The following ADAMTS15 variants were observed in gnomAD, a reference collection of about 807,000 sequenced individuals.
ADAMTS15 encodes the protein A disintegrin and metalloproteinase with thrombospondin motifs 15.
ADAMTS15 carries 35 observed loss-of-function variants against 79.1 expected under a neutral mutation model. The ratio of observed to expected loss-of-function variants is 0.44; its 90% CI spans 0.34 to 0.59. The LOEUF (loss-of-function observed/expected upper bound fraction) is 0.59. Among genes scored for constraint, ADAMTS15 ranks in the 20% least tolerant of loss-of-function variants. The probability of loss-of-function intolerance (pLI) is 0.02; values close to 1 mark genes in which losing one functional copy is unlikely to be tolerated. For missense variants in ADAMTS15, 1,324 were observed against 1,318.7 expected (o/e 1.00, Z -0.06); for synonymous variants, 616 against 567.3 (o/e 1.09, Z -1.22).
chr11:130,460,838 ATCTC>A (rs908129095), intron 1 of ADAMTS15, among the ~76,000 whole-genome samples: 5 of 152,046 alleles, frequency 3.3e-5, no homozygotes, highest in African/African-American at 1.2e-4. Context: ...TTAGGTGGCC[ATCTC>A]TCTATTTCAT....
At position 130,462,287 on chromosome 11, in the gene ADAMTS15, G is replaced by A. The variant is rs112617763; in HGVS notation, c.1258+33G>A. On this transcript the variant is annotated intron_variant, in intron 3 of 7. Coordinates refer to ENST00000299164, the MANE Select transcript of ADAMTS15 (RefSeq NM_139055.4). This position sits in a 1 kb window ranked among gnomAD's most constrained non-coding sequence, Gnocchi z 4.3. The stretch of plus-strand genomic sequence containing the variant: ...AGGACGGCGGGAGGGCAATGAGGCC[G>A]CCTCGGAGGGGGCTTTGCTGCTGCC... The A allele has an allele frequency of 4.0e-5, 63 of 1,583,802 alleles. No individual in the cohort carries two copies. Among genetic ancestry groups the A allele is most frequent in the African/African-American group, 3.1e-4 (23 of 74,608 alleles).
At position 130,473,676 on chromosome 11, in the gene ADAMTS15, C is replaced by T. The variant is rs1327229151; in HGVS notation, c.2708C>T (p.Ser903Leu). ...PCPTWELSAW[S>L]PCSKSCGRGF... ...CCCACCTGGGAGCTCAGCGCCTGGTCACCCTGCTCCAAGAGCTGCGGCCGG... is the reference window on the plus strand; with the variant it reads ...CCCACCTGGGAGCTCAGCGCCTGGTTACCCTGCTCCAAGAGCTGCGGCCGG... The change falls in exon 8 of 8, where the codon TCA becomes TTA. Residue 903 changes from serine (S) to leucine (L), a missense_variant. Physicochemically the swap from Ser to Leu is moderately radical, Grantham distance 145. Coordinates refer to ENST00000299164, the MANE Select transcript of ADAMTS15 (RefSeq NM_139055.4). 5.0e-6 allele frequency: 8 copies of T among 1,604,368 alleles called. No homozygotes were observed. Among genetic ancestry groups the T allele is most frequent in the African/African-American group, 1.3e-5 (1 of 74,946 alleles).
chr11:130,466,138 G>A (rs1011281576), intron 4 of ADAMTS15, among the ~76,000 whole-genome samples: 1 of 152,148 alleles, frequency 6.6e-6, no homozygotes, highest in South Asian at 2.1e-4. Flanking sequence ...CTCCCAAAGC[G>A]TTGGGATCAC....
intron 1 of ADAMTS15, among the ~76,000 whole-genome samples, chr11:130,454,262 C>A (rs556354558): frequency 1.3e-5 from 2 of 152,296 alleles, no homozygotes; most frequent in African/African-American, 4.8e-5. Flanking sequence ...TTCTCTTCCC[C>A]CTTATTCTCT....
At chr11:130,466,782 T>G (rs1319812717) in intron 4 of ADAMTS15, among the ~76,000 whole-genome samples, 1 of 152,194 alleles carries the variant, frequency 6.6e-6, no homozygotes, top group Non-Finnish European at 1.5e-5. Flanking sequence ...CGCTGCCTTG[T>G]TGGCCCTAGT....
Position 130,449,158 on chromosome 11 carries a change from A to G in ADAMTS15, c.185A>G (p.Glu62Gly). 6.2e-7 allele frequency: 1 copy of G among 1,606,448 alleles called. No homozygotes were observed. The highest frequency in any genetic ancestry group is 8.5e-7 in the Non-Finnish European group (1 of 1,174,666). Reference protein sequence around the residue: ...GLIFQITAFQEDFYLHLTPDA... With the variant: ...GLIFQITAFQGDFYLHLTPDA... ...ATTTTTCAGATCACAGCATTTCAGGAGGACTTTTACCTACACCTGACGCCG... is the reference window on the plus strand; with the variant it reads ...ATTTTTCAGATCACAGCATTTCAGGGGGACTTTTACCTACACCTGACGCCG... The change falls in exon 1 of 8, where the codon GAG becomes GGG. Residue 62 changes from glutamate (E) to glycine (G), a missense_variant. Physicochemically the swap from Glu to Gly is moderately conservative, Grantham distance 98. Transcript: ENST00000299164. This position sits in a 1 kb window ranked among gnomAD's most constrained non-coding sequence, Gnocchi z 7.8.
chr11:130,461,577 A>C lies in ADAMTS15; in HGVS notation c.1046A>C (p.Glu349Ala). The stretch of plus-strand genomic sequence containing the variant: ...CCCAAGAGAAGCTGCTCTGTCATTG[A>C]GGACGATGGGCTTCCATCAGCCTTC... ...CDPKRSCSVI[E>A]DDGLPSAFTT... The change falls in exon 2 of 8, where the codon GAG becomes GCG. Residue 349 changes from glutamate to alanine, a missense_variant. Transcript: ENST00000299164. 1.9e-6 allele frequency: 3 copies of C among 1,614,162 alleles called. No individual in the cohort carries two copies. The highest frequency in any genetic ancestry group is 1.7e-6 in the Non-Finnish European group (2 of 1,180,034).
chr11:130,450,327 C>T lies in ADAMTS15; in HGVS notation c.957+397C>T. ...CGGCCCACCCCTATTGTATGGGCGG[C>T]TGAGTCTTCTCGGACACCTCCTGAG... On this transcript the variant is annotated intron_variant, in intron 1 of 7. Coordinates refer to ENST00000299164, the MANE Select transcript of ADAMTS15 (RefSeq NM_139055.4). 4 of 985,468 alleles carry T rather than the reference C, an allele frequency of 4.1e-6. No individual in the cohort carries two copies. In the African/African-American group the frequency reaches 5.2e-5, roughly 13 times the overall value. 61.0% of individuals were successfully genotyped at this position (985,468 alleles called of 1,614,324 possible).
At position 130,462,685 on chromosome 11, in the gene ADAMTS15, C is replaced by T. The variant is rs184661787; in HGVS notation, c.1447C>T (p.Arg483Cys). 2.4e-4 allele frequency: 382 copies of T among 1,613,442 alleles called. No individual in the cohort carries two copies. Among genetic ancestry groups the T allele is most frequent in the Admixed American group, 4.2e-4 (25 of 60,012 alleles). ...CAAGGGACAGATGGTGTGCCAGACC[C>T]GCCACTTCCCCTGGGCCGATGGCAC... ...KAKGQMVCQT[R>C]HFPWADGTSC... Residue 483 changes from arginine (R) to cysteine (C), a missense_variant, in exon 4 of 8, where the codon CGC becomes TGC. Arg to Cys is a radical substitution (Grantham distance 180). Transcript: ENST00000299164. The surrounding 1 kb of genome is among the most constrained non-coding windows in gnomAD (Gnocchi z 4.3).
intron 4 of ADAMTS15, among the ~76,000 whole-genome samples, chr11:130,468,229 G>A (rs376040120): frequency 2.4e-4 from 37 of 152,336 alleles, no homozygotes; most frequent in African/African-American, 8.7e-4. Context: ...TCAGGCCCGA[G>A]TATTAGTATT....
At chr11:130,461,027 G>T (rs1029153753) in intron 1 of ADAMTS15, among the ~76,000 whole-genome samples, 2 of 152,160 alleles carry the variant, frequency 1.3e-5, no homozygotes, top group Non-Finnish European at 2.9e-5. Flanking sequence ...CTTAATTCAT[G>T]GTTGGCCAAA....
Position 130,472,372 on chromosome 11 carries a change from C to A in ADAMTS15, c.2079-675C>A, listed in dbSNP as rs556986560. ...ATTCCAGGCTGTGCTTTGCAGGGAC[C>A]TGTGGTGGCAAGGCCACGTGGGGAG... On this transcript the variant is annotated intron_variant, in intron 7 of 7. Coordinates refer to ENST00000299164, the MANE Select transcript of ADAMTS15 (RefSeq NM_139055.4). The surrounding 1 kb of genome is among the most constrained non-coding windows in gnomAD (Gnocchi z 4.7). 5.3e-5 allele frequency among the ~76,000 whole-genome samples: 8 copies of A among 152,328 alleles called. No individual in the cohort carries two copies. The South Asian group carries it at 8.3e-4, about 16-fold the overall frequency.
In ADAMTS15 at chr11:130,461,951, A is replaced by G. The variant is rs755227306; in HGVS notation, c.1091-136A>G. ...AGAACATGATCTTGAGGACATTTGA[A>G]AGCAGTCTGTCGATAGTTGGCAATG... On this transcript the variant is annotated intron_variant, in intron 2 of 7. Coordinates refer to ENST00000299164, the MANE Select transcript of ADAMTS15 (RefSeq NM_139055.4). The G allele has an allele frequency of 1.0e-3, 1,063 of 1,044,072 alleles. 3 individuals are homozygous for G. The highest frequency in any genetic ancestry group is 1.4e-3 in the Non-Finnish European group (998 of 712,694). The allele number at this position is 1,044,072 out of a possible 1,614,324, so 64.7% of individuals were successfully genotyped here.
intron 5 of ADAMTS15, among the ~76,000 whole-genome samples, chr11:130,470,170 A>ATGTGTG (rs1344210683): frequency 3.4e-5 from 2 of 58,166 alleles, no homozygotes; most frequent in South Asian, 9.1e-4. Context: ...ATATATATAT[A>ATGTGTG]TATATATATA....
At position 130,449,096 on chromosome 11, in the gene ADAMTS15, C is replaced by T; in HGVS notation, c.123C>T (p.Tyr41=). 1 of 1,581,550 alleles carries T rather than the reference C, an allele frequency of 6.3e-7. No homozygotes were observed. The highest frequency in any genetic ancestry group is 1.7e-5 in the Admixed American group (1 of 57,482). Residue 41 remains tyrosine (Y), a synonymous_variant, in exon 1 of 8, where the codon TAC becomes TAT. Coordinates refer to ENST00000299164, the MANE Select transcript of ADAMTS15 (RefSeq NM_139055.4). The surrounding 1 kb of genome is among the most constrained non-coding windows in gnomAD (Gnocchi z 7.8). ...CGGACATTAACGGCCGCCGCTACTACTGGCGGGGTCCCGAGGACTCCGGGG... is the reference window on the plus strand; with the variant it reads ...CGGACATTAACGGCCGCCGCTACTATTGGCGGGGTCCCGAGGACTCCGGGG... ...LDPDINGRRY[Y]WRGPEDSGDQ... is the part of the protein sequence containing the mutation.
chr11:130,466,222 C>T (rs1296511255), intron 4 of ADAMTS15, among the ~76,000 whole-genome samples: 1 of 152,162 alleles, frequency 6.6e-6, no homozygotes, highest in South Asian at 2.1e-4. Flanking sequence ...CATTCCTTTC[C>T]CTCTTCACCA....
chr11:130,474,012 G>T lies in ADAMTS15; in HGVS notation c.*191G>T. 1 of 790,556 alleles carries T rather than the reference G, an allele frequency of 1.3e-6. No homozygotes were observed. 49.0% of individuals were successfully genotyped at this position (790,556 alleles called of 1,614,324 possible). A position where few individuals can be genotyped will look rare whatever the true frequency, so the allele number is the denominator to read the frequency against. On this transcript the variant is annotated 3_prime_UTR_variant, in exon 8 of 8. Transcript: ENST00000299164. ...CTGGACTGGGCAGAGGGAAGCCCAG[G>T]AACTCCCGCACAGTCTACCTCAGGC...
At chr11:130,455,680 G>A (rs570203922) in intron 1 of ADAMTS15, among the ~76,000 whole-genome samples, 51 of 152,324 alleles carry the variant, frequency 3.3e-4, no homozygotes, top group African/African-American at 1.2e-3. Flanking sequence ...TTGCCATGAG[G>A]TTTTGCCCTG....
chr11:130,458,707 G>C (rs1353705821), intron 1 of ADAMTS15, among the ~76,000 whole-genome samples: 1 of 152,204 alleles, frequency 6.6e-6, no homozygotes, highest in Non-Finnish European at 1.5e-5. Flanking sequence ...GCCAGGACCG[G>C]AATCTAGACT....
Sources: allele counts gnomAD v4.1 joint callset (sites outside exome capture counted in the v4.1 genomes callset), GRCh38; gene constraint gnomAD v4.1.1; non-coding constraint Gnocchi (gnomAD v3.1); transcripts MANE v1.5; gene names NCBI Gene and HGNC (gene_info 2026-07-23, HGNC 2026-07-21).